The following LYPLA1 variants were observed in gnomAD, a reference collection of about 807,000 sequenced individuals.
The protein encoded by LYPLA1 is lysophospholipase 1.
In LYPLA1, 17 loss-of-function variants were observed where a neutral mutation model predicts 34.0. That is an observed-to-expected ratio of 0.50 (90% confidence interval 0.34 to 0.75). The LOEUF is 0.75. Ranked by LOEUF, LYPLA1 falls within the 30% of genes least tolerant of loss-of-function variation. LYPLA1 has a pLI of 0.01. For synonymous variants in LYPLA1, 98 were observed against 100.8 expected, an observed-to-expected ratio of 0.97 and a Z score of 0.17; for missense variants, 203 against 288.8, an observed-to-expected ratio of 0.70 and a Z score of 2.15.
At chr8:54,101,663 C>A in intron 1 of LYPLA1, 92 bp downstream of exon 1, 1 of 1,174,348 alleles carries the variant, frequency 8.5e-7, no homozygotes, top group African/African-American at 1.6e-5. Context: ...GTCCGCAGGC[C>A]GCCACGCGCC....
chr8:54,070,170 A>G (rs1807357864), intron 2 of LYPLA1, among the ~76,000 whole-genome samples: 1 of 152,170 alleles, frequency 6.6e-6, no homozygotes, highest in African/African-American at 2.4e-5. Flanking sequence ...TATGTCCAGT[A>G]CAGATGTGGT....
intron 5 of LYPLA1, among the ~76,000 whole-genome samples, chr8:54,058,948 G>A (rs1246550899): frequency 6.6e-6 from 1 of 152,102 alleles, no homozygotes; most frequent in Non-Finnish European, 1.5e-5. Context: ...TTGTTCAGTA[G>A]CACATTCTCT....
At chr8:54,088,516 G>A (rs1367766182) in intron 2 of LYPLA1, among the ~76,000 whole-genome samples, 1 of 152,208 alleles carries the variant, frequency 6.6e-6, no homozygotes, top group Non-Finnish European at 1.5e-5. Context: ...TATCTTGGCA[G>A]AAGTGTAAAA....
chr8:54,085,099 T>C (rs1359005919), intron 2 of LYPLA1, among the ~76,000 whole-genome samples: 4 of 152,104 alleles, frequency 2.6e-5, no homozygotes, highest in Non-Finnish European at 1.5e-5. Context: ...GCAACCTCCC[T>C]GCCTGATTCT....
Position 54,100,851 on chromosome 8 carries a change from A to G in LYPLA1, c.101+57T>C. On this transcript the variant is annotated intron_variant, in intron 2 of 8. Coordinates refer to ENST00000316963, the MANE Select transcript of LYPLA1 (RefSeq NM_006330.4). ...AAACATTAAACCTTTGAACGCGTAA[A>G]CAAAAGTTGCATGACCCAGTTTCAT... The G allele has an allele frequency of 2.1e-6, 3 of 1,424,130 alleles. No individual in the cohort carries two copies. In the South Asian group the frequency reaches 3.5e-5, roughly 16 times the overall value. 88.2% of individuals were successfully genotyped at this position (1,424,130 alleles called of 1,614,324 possible).
chr8:54,048,001 G>A lies in LYPLA1; in HGVS notation c.*64C>T. On this transcript the variant is annotated 3_prime_UTR_variant, in exon 9 of 9. Transcript: ENST00000316963. ...ATTAGAAATTTGAAGACTGGGCATGGGAAAAGGTTTACACTCTACTACAAT... is the reference window on the plus strand; with the variant it reads ...ATTAGAAATTTGAAGACTGGGCATGAGAAAAGGTTTACACTCTACTACAAT... 1.7e-6 allele frequency: 2 copies of A among 1,151,308 alleles called. No individual in the cohort carries two copies. 71.3% of individuals were successfully genotyped at this position (1,151,308 alleles called of 1,614,324 possible). A position where few individuals can be genotyped will look rare whatever the true frequency, so the allele number is the denominator to read the frequency against.
At chr8:54,064,897 A>G (rs759467572) in intron 3 of LYPLA1, among the ~76,000 whole-genome samples, 1 of 152,228 alleles carries the variant, frequency 6.6e-6, no homozygotes, top group Admixed American at 6.5e-5. Flanking sequence ...ATGTTTTAAG[A>G]AAGTTTACTA....
chr8:54,101,679 CG>C, intron 1 of LYPLA1, 75 bp downstream of exon 1: 1 of 1,196,708 alleles, frequency 8.4e-7, no homozygotes, highest in Non-Finnish European at 1.0e-6. Flanking sequence ...GCGCCCGCAA[CG>C]CCCACCCCGC....
intron 2 of LYPLA1, among the ~76,000 whole-genome samples, chr8:54,086,988 C>T (rs1045042873): frequency 2.6e-5 from 4 of 152,148 alleles, no homozygotes; most frequent in Admixed American, 6.6e-5. Context: ...GATGGTTCAA[C>T]ATAAAAATTT....
At chr8:54,072,507 A>C (rs1807553063) in intron 2 of LYPLA1, among the ~76,000 whole-genome samples, 1 of 152,216 alleles carries the variant, frequency 6.6e-6, no homozygotes, top group South Asian at 2.1e-4. Context: ...TCTAATATCC[A>C]GAATCTATAA....
intron 2 of LYPLA1, among the ~76,000 whole-genome samples, chr8:54,086,438 TAAAAAAAAAAAA>T (rs768755796): frequency 2.9e-5 from 1 of 34,692 alleles, no homozygotes; most frequent in Admixed American, 4.3e-4. Context: ...CTAAAAAAAT[TAAAAAAAAAAAA>T]AAAAAAAAAA....
At chr8:54,091,714 A>G (rs1809296688) in intron 2 of LYPLA1, among the ~76,000 whole-genome samples, 1 of 152,202 alleles carries the variant, frequency 6.6e-6, no homozygotes. Flanking sequence ...GTGTGGTCAC[A>G]GACAGTTCCG....
Position 54,047,894 on chromosome 8 carries a change from A to G in LYPLA1, c.*171T>C, listed in dbSNP as rs1284660785. The G allele has an allele frequency of 2.1e-6, 1 of 481,974 alleles. No individual in the cohort carries two copies. Among genetic ancestry groups the G allele is most frequent in the Non-Finnish European group, 3.7e-6 (1 of 272,460 alleles). The allele number at this position is 481,974 out of a possible 1,614,324, so 29.9% of individuals were successfully genotyped here. On this transcript the variant is annotated 3_prime_UTR_variant, in exon 9 of 9. Coordinates refer to ENST00000316963, the MANE Select transcript of LYPLA1 (RefSeq NM_006330.4). ...AAGAATACATGTATAGAAACTTAAAAGATCATAAATTTCTCATGAGGAGAT... is the reference window on the plus strand; with the variant it reads ...AAGAATACATGTATAGAAACTTAAAGGATCATAAATTTCTCATGAGGAGAT...
At chr8:54,091,186 A>G (rs1464373644) in intron 2 of LYPLA1, among the ~76,000 whole-genome samples, 2 of 152,050 alleles carry the variant, frequency 1.3e-5, no homozygotes, top group African/African-American at 4.8e-5. Context: ...TCCATTCTAC[A>G]TAAGAAATAC....
chr8:54,047,991 A>C lies in LYPLA1; in HGVS notation c.*74T>G, dbSNP rs1449880949. On this transcript the variant is annotated 3_prime_UTR_variant, in exon 9 of 9. Transcript: ENST00000316963. ...ACTGCAAAACATTAGAAATTTGAAG[A>C]CTGGGCATGGGAAAAGGTTTACACT... is the stretch of plus-strand genomic sequence containing the variant. The C allele has an allele frequency of 4.0e-6, 4 of 997,292 alleles. No homozygotes were observed. The African/African-American group carries it at 6.5e-5, about 16-fold the overall frequency. 61.8% of individuals were successfully genotyped at this position (997,292 alleles called of 1,614,324 possible).
intron 2 of LYPLA1, among the ~76,000 whole-genome samples, chr8:54,079,366 A>C (rs531009905): frequency 6.6e-6 from 1 of 152,262 alleles, no homozygotes; most frequent in African/African-American, 2.4e-5. Context: ...TGTGTATAAT[A>C]AGCAATATTT....
At position 54,071,321 on chromosome 8, in the gene LYPLA1, T is replaced by C. The variant is rs940496876; in HGVS notation, c.102-5508A>G. On this transcript the variant is annotated intron_variant, in intron 2 of 8. Transcript: ENST00000316963. Reference sequence around the variant, plus strand: ...TCTGTGGACTGGATATAGTGTTTAATCAATGCTCATCTCCTAATTTGGAGT... The same window carrying C: ...TCTGTGGACTGGATATAGTGTTTAACCAATGCTCATCTCCTAATTTGGAGT... Among the ~76,000 whole-genome samples the C allele has an allele frequency of 3.9e-5, 6 of 152,340 alleles. No homozygotes were observed. The East Asian group carries it at 1.2e-3, about 29-fold the overall frequency.
At chr8:54,078,169 C>T (rs1288063987) in intron 2 of LYPLA1, among the ~76,000 whole-genome samples, 1 of 152,054 alleles carries the variant, frequency 6.6e-6, no homozygotes, top group East Asian at 1.9e-4. Flanking sequence ...CCAGGCTGGT[C>T]TCCAACTCCT....
rs558588065 is a variant in LYPLA1, at chr8:54,081,550, C to T, written c.102-15737G>A. On this transcript the variant is annotated intron_variant, in intron 2 of 8. Transcript: ENST00000316963. ...GCAACCTTCGCATCCCGGGTTTAAG[C>T]GATTCTCCTACCTCAGCCTCCCGAG... Among the ~76,000 whole-genome samples, 494 of 151,992 alleles carry T rather than the reference C, an allele frequency of 3.3e-3. 2 individuals are homozygous for T. Among genetic ancestry groups the T allele is most frequent in the African/African-American group, 0.011 (470 of 41,452 alleles).
Sources: allele counts gnomAD v4.1 joint callset (sites outside exome capture counted in the v4.1 genomes callset), GRCh38; gene constraint gnomAD v4.1.1; transcripts MANE v1.5; gene names NCBI Gene and HGNC (gene_info 2026-07-23, HGNC 2026-07-21).